REC114: variants seen among roughly 807,000 people sequenced by gnomAD.
REC114 encodes meiotic recombination protein REC114.
A neutral mutation model predicts 31.3 loss-of-function variants in REC114; 27 were observed. That is an observed-to-expected ratio of 0.86 (90% confidence interval 0.64 to 1.19). The LOEUF (loss-of-function observed/expected upper bound fraction) is 1.19, where lower values mean the gene tolerates loss of function less well. Among genes scored for constraint, REC114 ranks in the 50% most tolerant of loss-of-function variants. The pLI is 0.00. For missense variants in REC114, 344 were observed against 326.9 expected, an observed-to-expected ratio of 1.05 and a Z score of -0.40; for synonymous variants, 134 against 127.7, an observed-to-expected ratio of 1.05 and a Z score of -0.33.
At chr15:73,488,210 T>C (rs1043519085) in intron 2 of REC114, among the ~76,000 whole-genome samples, 1 of 152,202 alleles carries the variant, frequency 6.6e-6, no homozygotes, top group African/African-American at 2.4e-5. Flanking sequence ...CTATGATGGG[T>C]GTGGTAGCCT....
In REC114 at chr15:73,516,696, C is replaced by T. The variant is rs548408583; in HGVS notation, c.250-23789C>T. 9.9e-5 allele frequency among the ~76,000 whole-genome samples: 15 copies of T among 152,280 alleles called. No homozygotes were observed. In the East Asian group the frequency reaches 1.7e-3, roughly 18 times the overall value. Reference sequence around the variant, plus strand: ...AGGCTGAAGTGCAATGAAGCAGTCTCGGCTCCCTGCAACCTCTGCCTCCTG... The same window carrying T: ...AGGCTGAAGTGCAATGAAGCAGTCTTGGCTCCCTGCAACCTCTGCCTCCTG... On this transcript the variant is annotated intron_variant, in intron 2 of 5. Coordinates refer to ENST00000331090, the MANE Select transcript of REC114 (RefSeq NM_001042367.2).
chr15:73,556,941 C>T (rs1456072591), intron 5 of REC114, among the ~76,000 whole-genome samples: 2 of 152,060 alleles, frequency 1.3e-5, no homozygotes, highest in Non-Finnish European at 2.9e-5. Context: ...GACGTCCACT[C>T]TCCTGGGAGC....
intron 2 of REC114, among the ~76,000 whole-genome samples, chr15:73,508,999 A>G (rs1893724136): frequency 6.6e-6 from 1 of 150,736 alleles, no homozygotes; most frequent in Non-Finnish European, 1.5e-5. Flanking sequence ...TTCTAGTTCT[A>G]GATCCCTGAG....
intron 2 of REC114, among the ~76,000 whole-genome samples, chr15:73,479,312 TTATA>T (rs1041372246): frequency 6.7e-6 from 1 of 149,622 alleles, no homozygotes; most frequent in Non-Finnish European, 1.5e-5. Flanking sequence ...TAAATAAAAA[TTATA>T]TATATTAATA....
chr15:73,543,121 T>A (rs1894262096), intron 3 of REC114, among the ~76,000 whole-genome samples: 1 of 152,188 alleles, frequency 6.6e-6, no homozygotes, highest in African/African-American at 2.4e-5. Flanking sequence ...TTCCTTTAAT[T>A]TGCATTTCTT....
In REC114 at chr15:73,488,191, A is replaced by G. The variant is rs939497885; in HGVS notation, c.249+14270A>G. On this transcript the variant is annotated intron_variant, in intron 2 of 5. Coordinates refer to ENST00000331090, the MANE Select transcript of REC114 (RefSeq NM_001042367.2). ...ACTGTTCTGCCCTCAAGGCTCTGGC[A>G]TTGTGGACCTATGATGGGTGTGGTA... Among the ~76,000 whole-genome samples the G allele has an allele frequency of 2.6e-5, 4 of 152,316 alleles. No homozygotes were observed. In the South Asian group the frequency reaches 8.3e-4, roughly 32 times the overall value.
rs1595868523 is a variant in REC114, at chr15:73,491,030, A to G, written c.249+17109A>G. ...GCTGAATTAAAGAAGAACATCGTAC[A>G]TGTTCTTTTTTTGTTGATTTGTATT... On this transcript the variant is annotated intron_variant, in intron 2 of 5. Transcript: ENST00000331090. Among the ~76,000 whole-genome samples the G allele has an allele frequency of 3.9e-5, 6 of 152,252 alleles. 1 individual carries two copies. The South Asian group carries it at 1.2e-3, about 32-fold the overall frequency.
intron 2 of REC114, among the ~76,000 whole-genome samples, chr15:73,488,756 C>A (rs1893407054): frequency 6.6e-6 from 1 of 152,202 alleles, no homozygotes; most frequent in Admixed American, 6.5e-5. Context: ...CTGAGGCTTT[C>A]TTTATAGCCG....
chr15:73,458,254 C>G (rs1265090487), intron 1 of REC114, among the ~76,000 whole-genome samples: 1 of 152,172 alleles, frequency 6.6e-6, no homozygotes, highest in Non-Finnish European at 1.5e-5. Context: ...CTTCCTGGGT[C>G]TCATTACCAT....
At chr15:73,512,328 CT>C (rs1451662672) in intron 2 of REC114, among the ~76,000 whole-genome samples, 1 of 53,672 alleles carries the variant, frequency 1.9e-5, no homozygotes, top group African/African-American at 1.3e-4. Context: ...TATTTTGAGC[CT>C]GTGTGTGTCT....
At chr15:73,457,975 C>A (rs564491565) in intron 1 of REC114, among the ~76,000 whole-genome samples, 2 of 152,290 alleles carry the variant, frequency 1.3e-5, no homozygotes, top group South Asian at 4.1e-4. Flanking sequence ...AGCCAAGATT[C>A]CTCCTGGTGA....
intron 3 of REC114, among the ~76,000 whole-genome samples, chr15:73,550,174 G>GA (rs1894368277): frequency 6.6e-6 from 1 of 152,028 alleles, no homozygotes; most frequent in African/African-American, 2.4e-5. Context: ...TAGTAGACTA[G>GA]AAAAAAGGGA....
In REC114 at chr15:73,443,303, C is replaced by T; in HGVS notation, c.118C>T (p.Pro40Ser). ...IPSNTRDPPG[P>S]CLEAGTAPCP... is the part of the protein sequence containing the mutation. ...CTCAAACACCAGAGACCCACCTGGG[C>T]CATGCCTGGAAGCTGGGACAGCCCC... Residue 40 changes from proline to serine, a missense_variant, in exon 1 of 6, where the codon CCA (proline) becomes TCA (serine). Pro to Ser is a moderately conservative substitution (Grantham distance 74). Transcript: ENST00000331090. The T allele has an allele frequency of 1.3e-6, 2 of 1,582,722 alleles. No individual in the cohort carries two copies. The highest frequency in any genetic ancestry group is 1.7e-6 in the Non-Finnish European group (2 of 1,165,476).
chr15:73,491,132 T>A (rs985621527), intron 2 of REC114, among the ~76,000 whole-genome samples: 3 of 82,212 alleles, frequency 3.6e-5, no homozygotes, highest in East Asian at 3.6e-4. Context: ...TTGGGGAAAT[T>A]ATGAGTAGAG....
In REC114 at chr15:73,560,013, A is replaced by T; in HGVS notation, c.*97A>T. The T allele has an allele frequency of 8.7e-7, 1 of 1,154,254 alleles. No individual in the cohort carries two copies. The allele number at this position is 1,154,254 out of a possible 1,614,324, so 71.5% of individuals were successfully genotyped here. A position where few individuals can be genotyped will look rare whatever the true frequency, so the allele number is the denominator to read the frequency against. On this transcript the variant is annotated 3_prime_UTR_variant, in exon 6 of 6. Transcript: ENST00000331090. ...TATTAGAATAAAGAGTATTATCCAA[A>T]CACCTTTTATCAATGTTTTATTTTT...
intron 2 of REC114, among the ~76,000 whole-genome samples, chr15:73,513,387 T>G (rs1567881406): frequency 6.7e-6 from 1 of 149,478 alleles, no homozygotes; most frequent in Non-Finnish European, 1.5e-5. Context: ...GCCTTTGGTT[T>G]GAATGTCCTC....
intron 5 of REC114, among the ~76,000 whole-genome samples, chr15:73,558,973 ATGAATTAC>A (rs1268626409): frequency 6.6e-6 from 1 of 152,248 alleles, no homozygotes; most frequent in African/African-American, 2.4e-5. Context: ...AGCAATAAAA[ATGAATTAC>A]TGCTATACTC....
At chr15:73,493,185 A>G (rs1006201965) in intron 2 of REC114, among the ~76,000 whole-genome samples, 1 of 151,938 alleles carries the variant, frequency 6.6e-6, no homozygotes, top group African/African-American at 2.4e-5. Flanking sequence ...CACCCAGCTA[A>G]TATTTCTAAT....
chr15:73,550,344 C>A (rs116187303), intron 3 of REC114, among the ~76,000 whole-genome samples: 1 of 152,104 alleles, frequency 6.6e-6, no homozygotes, highest in African/African-American at 2.4e-5. Context: ...AGGGATGTGA[C>A]TCATACAGCA....
Sources: gnomAD v4.1 joint callset for allele counts (sites outside exome capture counted in the v4.1 genomes callset) on GRCh38, gnomAD v4.1.1 for gene constraint, MANE v1.5 for transcripts, NCBI Gene and HGNC (gene_info 2026-07-23, HGNC 2026-07-21) for gene names.